Variants in ZNF846 observed in about 807,000 individuals in gnomAD.
ZNF846 encodes the protein zinc finger protein 420 pseudogene.
In ZNF846, 15 loss-of-function variants were observed where a neutral mutation model predicts 16.0. The observed-to-expected ratio is 0.94, with a 90% CI of 0.63 to 1.45. ZNF846 has a LOEUF of 1.45. ZNF846 is among the 40% of genes most tolerant of loss of function. The probability of loss-of-function intolerance (pLI) is 0.00; values close to 1 mark genes in which losing one functional copy is unlikely to be tolerated. For missense variants in ZNF846, 714 were observed against 622.3 expected (o/e 1.15, Z -1.57); for synonymous variants, 229 against 212.0 (o/e 1.08, Z -0.70).
In ZNF846 at chr19:9,774,906, G is replaced by T. The variant is rs534623334; in HGVS notation, c.-85-9871C>A. 14 of 1,609,672 alleles carry T rather than the reference G, an allele frequency of 8.7e-6. No homozygotes were observed. The South Asian group carries it at 1.5e-4, about 18-fold the overall frequency. Reference sequence around the variant, plus strand: ...TACTCTAAGGACCGTAAAAAATTCTGTAAGAATGCTGAAGAGTTTACAAAG... The same window carrying T: ...TACTCTAAGGACCGTAAAAAATTCTTTAAGAATGCTGAAGAGTTTACAAAG... On this transcript the variant is annotated intron_variant, in intron 1 of 4. Coordinates refer to the ZNF846 transcript ENST00000586814.
At chr19:9,763,170 C>A in intron 3 of ZNF846, 112 bp downstream of exon 3, 14 of 929,206 alleles carry the variant, frequency 1.5e-5, no homozygotes, top group East Asian at 2.9e-5. Flanking sequence ...GGAATGTCCA[C>A]TGGCCAAGGT....
downstream of ZNF846, among the ~76,000 whole-genome samples, chr19:9,757,248 T>C (rs1568320509): frequency 1.3e-5 from 2 of 151,580 alleles, no homozygotes. Context: ...CTTTACCACA[T>C]GCCTTAGAAC....
At chr19:9,753,018 T>C (rs1354916763), downstream of ZNF846, among the ~76,000 whole-genome samples, 9 of 151,304 alleles carry the variant, frequency 5.9e-5, no homozygotes, top group Non-Finnish European at 1.3e-4. Context: ...TGAGGGCCCT[T>C]TTCCTGGTTC....
At chr19:9,768,566 C>G (rs953530042) in exon 1 of ZNF846, 1 of 152,236 alleles carries the variant, frequency 6.6e-6, no homozygotes, top group East Asian at 1.9e-4. Flanking sequence ...TTCTCCGGAG[C>G]AGCAGCGGGA....
intron 1 of ZNF846, among the ~76,000 whole-genome samples, chr19:9,783,691 GT>G (rs911856225): frequency 3.8e-4 from 54 of 140,428 alleles, no homozygotes; most frequent in South Asian, 2.0e-3. Flanking sequence ...TTTTGTTTTT[GT>G]TTTTTTTTTT....
upstream of ZNF846, among the ~76,000 whole-genome samples, chr19:9,772,880 A>C (rs766001595): frequency 3.3e-5 from 5 of 152,060 alleles, no homozygotes; most frequent in Non-Finnish European, 7.4e-5. Flanking sequence ...GTTCCAGACC[A>C]GCCTGGGCAA....
chr19:9,781,285 C>T (rs1186859772), intron 1 of ZNF846, among the ~76,000 whole-genome samples: 4 of 152,110 alleles, frequency 2.6e-5, no homozygotes, highest in Non-Finnish European at 4.4e-5. Context: ...CACCACCACG[C>T]CCTGTAATTT....
Position 9,758,603 on chromosome 19 carries a change from A to C in ZNF846, c.474T>G (p.Ser158Arg), listed in dbSNP as rs1392173110. 3.1e-6 allele frequency: 5 copies of C among 1,612,850 alleles called. No individual in the cohort carries two copies. In the Admixed American group the frequency reaches 5.0e-5, roughly 16 times the overall value. The change falls in exon 6 of 6, where the codon AGT becomes AGG. Residue 158 changes from serine to arginine, a missense_variant. Transcript: ENST00000397902. Reference sequence around the variant, plus strand: ...CCTCAGCATGACTTTTCTTGTAAAAACTATGAGGAAAGTTCTTTCTTAAGG... The same window carrying C: ...CCTCAGCATGACTTTTCTTGTAAAACCTATGAGGAAAGTTCTTTCTTAAGG...
intron 1 of ZNF846, among the ~76,000 whole-genome samples, chr19:9,775,579 G>C (rs950859479): frequency 6.6e-6 from 1 of 152,092 alleles, no homozygotes; most frequent in Non-Finnish European, 1.5e-5. Context: ...AAAATTACAT[G>C]GATAACTCAC....
chr19:9,784,050 T>G (rs975408403), intron 1 of ZNF846, among the ~76,000 whole-genome samples: 2 of 152,030 alleles, frequency 1.3e-5, no homozygotes, highest in African/African-American at 4.8e-5. Flanking sequence ...CAGGCCCATG[T>G]AGATTTTTTT....
Position 9,765,037 on chromosome 19 carries a change from T to C in ZNF846, c.-85-2A>G. 6.8e-7 allele frequency: 1 copy of C among 1,464,184 alleles called. No individual in the cohort carries two copies. Among genetic ancestry groups the C allele is most frequent in the Non-Finnish European group, 9.6e-7 (1 of 1,044,298 alleles). 90.7% of individuals were successfully genotyped at this position (1,464,184 alleles called of 1,614,324 possible). A position where few individuals can be genotyped will look rare whatever the true frequency, so the allele number is the denominator to read the frequency against. On this transcript the variant is annotated splice_acceptor_variant, in intron 1 of 5. Coordinates refer to ENST00000397902, the Ensembl canonical transcript of ZNF846. LOFTEE classifies it low-confidence loss of function (5UTR_SPLICE). ...AGAAAGTGTCCTGGAAAAAATGACC[T>C]TTGGAAAAGAATAATGGCATGTCAG...
chr19:9,767,115 C>T (rs2045328508), intron 1 of ZNF846, among the ~76,000 whole-genome samples: 1 of 151,762 alleles, frequency 6.6e-6, no homozygotes, highest in Admixed American at 6.6e-5. Flanking sequence ...GGGTGAGCCA[C>T]TGTGCCCGGC....
At chr19:9,758,278 T>G in exon 6 of ZNF846, 1 of 1,612,918 alleles carries the variant, frequency 6.2e-7, no homozygotes, top group Non-Finnish European at 8.5e-7. Flanking sequence ...TTAAGTCCTG[T>G]GGATTGAGTG....
exon 6 of ZNF846, chr19:9,757,760 G>T (rs769275758): frequency 2.5e-6 from 4 of 1,612,938 alleles, no homozygotes; most frequent in Non-Finnish European, 3.4e-6. Context: ...TTCTTAAATG[G>T]GTACTAAGGC....
chr19:9,751,155 C>A (rs1318360245), downstream of ZNF846, among the ~76,000 whole-genome samples: 1 of 152,134 alleles, frequency 6.6e-6, no homozygotes, highest in Non-Finnish European at 1.5e-5. Flanking sequence ...TCAATTCCTA[C>A]AAAACTGCAT....
chr19:9,781,702 CA>C (rs1188112148), intron 1 of ZNF846, among the ~76,000 whole-genome samples: 1 of 150,954 alleles, frequency 6.6e-6, no homozygotes, highest in Non-Finnish European at 1.5e-5. Flanking sequence ...AAAACAAAAA[CA>C]AAAACAAAAC....
intron 1 of ZNF846, among the ~76,000 whole-genome samples, chr19:9,775,174 CATATATATGTGT>C (rs2045426453): frequency 6.8e-6 from 1 of 147,700 alleles, no homozygotes; most frequent in Admixed American, 6.7e-5. Flanking sequence ...AATATATATA[CATATATATGTGT>C]ATATATATGT....
chr19:9,751,364 T>C (rs187152309), downstream of ZNF846, among the ~76,000 whole-genome samples: 1 of 152,172 alleles, frequency 6.6e-6, no homozygotes, highest in Non-Finnish European at 1.5e-5. Flanking sequence ...CCCCAAGTTT[T>C]CACTATTCTT....
At chr19:9,761,259 A>G (rs2045222208) in intron 4 of ZNF846, among the ~76,000 whole-genome samples, 1 of 152,146 alleles carries the variant, frequency 6.6e-6, no homozygotes, top group African/African-American at 2.4e-5. Context: ...ATAGCTACAC[A>G]ACACTAAAAT....
Sources: allele counts gnomAD v4.1 joint callset (sites outside exome capture counted in the v4.1 genomes callset), GRCh38; gene constraint gnomAD v4.1.1; transcripts MANE v1.5; gene names NCBI Gene and HGNC (gene_info 2026-07-23, HGNC 2026-07-21).